The following LAD1 variants were observed in gnomAD, a reference collection of about 807,000 sequenced individuals.
The protein encoded by LAD1 is ladinin 1.
In LAD1, 53 loss-of-function variants were observed where a neutral mutation model predicts 54.2. That is an observed-to-expected ratio of 0.98 (90% CI 0.78 to 1.23). The LOEUF (loss-of-function observed/expected upper bound fraction) is 1.23. Ranked by LOEUF, LAD1 falls within the 50% of genes most tolerant of loss-of-function variation. The pLI is 0.00. For missense variants in LAD1, 637 were observed against 653.3 expected, an observed-to-expected ratio of 0.98 and a Z score of 0.27; for synonymous variants, 231 against 257.7, an observed-to-expected ratio of 0.90 and a Z score of 0.99.
At position 201,387,985 on chromosome 1, in the gene LAD1, G is replaced by C. The variant is rs570616245; in HGVS notation, c.183-807C>G. ...TAGGAAGCAAAATGAGACTCATGAG[G>C]GTGCCCAGGACAGTCCTGGCATGTA... On this transcript the variant is annotated intron_variant, in intron 2 of 9. Transcript: ENST00000391967. Among the ~76,000 whole-genome samples the C allele has an allele frequency of 2.0e-5, 3 of 152,252 alleles. No individual in the cohort carries two copies. The South Asian group carries it at 6.2e-4, about 32-fold the overall frequency.
chr1:201,389,621 T>G (rs956151757), intron 1 of LAD1, among the ~76,000 whole-genome samples: 34 of 151,364 alleles, frequency 2.2e-4, no homozygotes, highest in African/African-American at 7.5e-4. Context: ...GAGACCAGCT[T>G]GAGCAACATG....
At chr1:201,393,414 TAGTG>T (rs1421321135) in intron 1 of LAD1, among the ~76,000 whole-genome samples, 1 of 152,052 alleles carries the variant, frequency 6.6e-6, no homozygotes. Context: ...AAAAAGGAAT[TAGTG>T]AGTATCAACA....
At chr1:201,382,026 A>G in intron 9 of LAD1, 133 bp from the exon 10 acceptor site, 1 of 993,240 alleles carries the variant, frequency 1.0e-6, no homozygotes, top group South Asian at 1.6e-5. Context: ...GTAATCTGCC[A>G]GCTGAAGAGG....
intron 1 of LAD1, among the ~76,000 whole-genome samples, chr1:201,396,274 G>A (rs910071265): frequency 3.9e-5 from 6 of 152,080 alleles, no homozygotes; most frequent in Admixed American, 3.3e-4. Flanking sequence ...GTCCCTCTCG[G>A]TGTCTCCATG....
intron 5 of LAD1, 88 bp downstream of exon 5, chr1:201,384,704 G>T: frequency 7.3e-7 from 1 of 1,367,016 alleles, no homozygotes; most frequent in Non-Finnish European, 1.0e-6. Flanking sequence ...CTACCGCACA[G>T]CCTGGCACAA....
chr1:201,395,442 A>C (rs4606345), intron 1 of LAD1, among the ~76,000 whole-genome samples: 69,418 of 151,966 alleles, frequency 0.46, 16,212 homozygotes, highest in African/African-American at 0.56. Flanking sequence ...TCACTGTTCT[A>C]ATACCCCTGG....
At position 201,385,820 on chromosome 1, in the gene LAD1, G is replaced by A. The variant is rs1662071322; in HGVS notation, c.1027-15C>T. ...GGGATTTTCACCTGGATGGAGCAGG[G>A]GGAGTGTCACATAAGAGGTCTAGGG... On this transcript the variant is annotated splice_polypyrimidine_tract_variant and intron_variant, in intron 3 of 9. Coordinates refer to ENST00000391967, the MANE Select transcript of LAD1 (RefSeq NM_005558.4). 1.3e-6 allele frequency: 2 copies of A among 1,591,628 alleles called. No individual in the cohort carries two copies. The highest frequency in any genetic ancestry group is 1.7e-6 in the Non-Finnish European group (2 of 1,159,414).
chr1:201,388,958 A>G (rs779517452), intron 2 of LAD1, among the ~76,000 whole-genome samples: 3 of 152,230 alleles, frequency 2.0e-5, no homozygotes, highest in Admixed American at 6.5e-5. Flanking sequence ...TGGATGGTCT[A>G]CAAATAGTAG....
At position 201,393,909 on chromosome 1, in the gene LAD1, G is replaced by T. The variant is rs1162607019; in HGVS notation, c.39-4606C>A. The stretch of plus-strand genomic sequence containing the variant: ...AGGAGAGAGTGGAGAAGGTCTGAGA[G>T]GGTTGAAAAGAGTGTGACTGGCTGG... On this transcript the variant is annotated intron_variant, in intron 1 of 9. Coordinates refer to ENST00000391967, the MANE Select transcript of LAD1 (RefSeq NM_005558.4). Among the ~76,000 whole-genome samples, 170 of 146,542 alleles carry T rather than the reference G, an allele frequency of 1.2e-3. 5 individuals are homozygous for T. The highest frequency in any genetic ancestry group is 1.6e-4 in the Non-Finnish European group (11 of 67,054).
At chr1:201,382,978 G>A in intron 7 of LAD1, 96 bp downstream of exon 7, 1 of 1,424,528 alleles carries the variant, frequency 7.0e-7, no homozygotes, top group Non-Finnish European at 9.5e-7. Flanking sequence ...ATTGACACAT[G>A]AAAACAGTTT....
chr1:201,395,821 A>G (rs1385675771), intron 1 of LAD1, among the ~76,000 whole-genome samples: 1 of 152,218 alleles, frequency 6.6e-6, no homozygotes, highest in Non-Finnish European at 1.5e-5. Context: ...CGCACAGCTA[A>G]TAAAAACAAG....
At chr1:201,382,777 T>C (rs2102354483) in intron 7 of LAD1, 38 bp from the exon 8 acceptor site, 3 of 1,493,902 alleles carry the variant, frequency 2.0e-6, no homozygotes, top group South Asian at 2.4e-5. Context: ...TTTAGGGCCC[T>C]TGGCAGCAGC....
At chr1:201,388,361 C>T (rs2799676) in intron 2 of LAD1, among the ~76,000 whole-genome samples, 47,063 of 148,622 alleles carry the variant, frequency 0.32, 7,668 homozygotes, top group Middle Eastern at 0.38. Context: ...GCACTCCAGC[C>T]GGGGTGACAG....
chr1:201,381,897 TG>T lies in LAD1; in HGVS notation c.1549-5del. On this transcript the variant is annotated splice_region_variant and splice_polypyrimidine_tract_variant and intron_variant, in intron 9 of 9. Coordinates refer to ENST00000391967, the MANE Select transcript of LAD1 (RefSeq NM_005558.4). Reference sequence around the variant, plus strand: ...GTCTTGGCGGGGCTTGTCACACCTGTGGGGCAAAGAGCTGTTAGCACAAGTC... The same window carrying T: ...GTCTTGGCGGGGCTTGTCACACCTGTGGGCAAAGAGCTGTTAGCACAAGTC... 6.2e-7 allele frequency: 1 copy of T among 1,613,536 alleles called. No homozygotes were observed. The highest frequency in any genetic ancestry group is 1.1e-5 in the South Asian group (1 of 90,998).
Position 201,381,753 on chromosome 1 carries a change from C to G in LAD1, c.*135G>C. 1 of 1,007,934 alleles carries G rather than the reference C, an allele frequency of 9.9e-7. No individual in the cohort carries two copies. Among genetic ancestry groups the G allele is most frequent in the Non-Finnish European group, 1.6e-6 (1 of 633,162 alleles). 62.4% of individuals were successfully genotyped at this position (1,007,934 alleles called of 1,614,324 possible). A position where few individuals can be genotyped will look rare whatever the true frequency, so the allele number is the denominator to read the frequency against. On this transcript the variant is annotated 3_prime_UTR_variant, in exon 10 of 10. Transcript: ENST00000391967. The stretch of plus-strand genomic sequence containing the variant: ...TGCAAATATTCCTGACCCCAGGGAC[C>G]CTGGCCAAACAGATCCACAGGCAAA...
chr1:201,385,787 C>T lies in LAD1; in HGVS notation c.1045G>A (p.Glu349Lys). 6.2e-7 allele frequency: 1 copy of T among 1,614,038 alleles called. No homozygotes were observed. Residue 349 changes from glutamate to lysine, a missense_variant, in exon 4 of 10, where the codon GAG becomes AAG. Glu to Lys is a moderately conservative substitution (Grantham distance 56). Transcript: ENST00000391967. ...GGTGAGGACATATCTGCCTCTTCCT[C>T]CTTGCTGGGGATTTTCACCTGGATG... ...VTLQVKIPSK[E>K]EEADMSSPTQ... is the part of the protein sequence containing the mutation.
rs116091957 is a variant in LAD1 at position 201,385,643 on chromosome 1, C to T, written c.1131+58G>A. On this transcript the variant is annotated intron_variant, in intron 4 of 9. Transcript: ENST00000391967. ...TACGGCTCCTATGTTGTAATGGATG[C>T]GGGCTTCCTCCACTTGCCCTCCAGT... 1,837 of 1,242,878 alleles carry T rather than the reference C, an allele frequency of 1.5e-3. 20 individuals carry two copies. The African/African-American group carries it at 0.023, about 16-fold the overall frequency. 77.0% of individuals were successfully genotyped at this position (1,242,878 alleles called of 1,614,324 possible).
intron 1 of LAD1, among the ~76,000 whole-genome samples, chr1:201,395,430 A>T (rs1184762121): frequency 6.6e-6 from 1 of 152,210 alleles, no homozygotes; most frequent in Admixed American, 6.5e-5. Context: ...CTCTAACACC[A>T]GTCACTGTTC....
At chr1:201,383,919 C>CA (rs1302380929) in intron 5 of LAD1, among the ~76,000 whole-genome samples, 2 of 152,218 alleles carry the variant, frequency 1.3e-5, no homozygotes, top group Admixed American at 1.3e-4. Flanking sequence ...GCTGTTCCCT[C>CA]TATTTAAAAT....
Sources: allele counts gnomAD v4.1 joint callset (sites outside exome capture counted in the v4.1 genomes callset), GRCh38; gene constraint gnomAD v4.1.1; transcripts MANE v1.5; gene names NCBI Gene and HGNC (gene_info 2026-07-23, HGNC 2026-07-21).